Variants in HAVCR1 observed in about 807,000 individuals in gnomAD.
HAVCR1 encodes hepatitis A virus cellular receptor 1.
A neutral mutation model predicts 32.0 loss-of-function variants in HAVCR1; 34 were observed. The ratio of observed to expected loss-of-function variants is 1.06; its 90% CI spans 0.81 to 1.42. HAVCR1 has a LOEUF of 1.42. Ranked by LOEUF, HAVCR1 falls within the 40% of genes most tolerant of loss-of-function variation. The pLI, the probability that HAVCR1 is intolerant of heterozygous loss-of-function variation, is 0.00. For missense variants in HAVCR1, 420 were observed against 442.3 expected, an observed-to-expected ratio of 0.95 and a Z score of 0.45; for synonymous variants, 178 against 170.3, an observed-to-expected ratio of 1.05 and a Z score of -0.35.
chr5:157,045,539 T>C (rs578168227), intron 5 of HAVCR1, among the ~76,000 whole-genome samples: 6 of 152,340 alleles, frequency 3.9e-5, no homozygotes, highest in African/African-American at 1.4e-4. Flanking sequence ...GGCACAGAAC[T>C]AGTAACTTAT....
chr5:157,033,429 T>C (rs6880589), intron 7 of HAVCR1, among the ~76,000 whole-genome samples: 5,683 of 152,174 alleles, frequency 0.037, 337 homozygotes, highest in African/African-American at 0.13. Context: ...GAATTCAAAG[T>C]GAGAGCACCT....
At chr5:157,049,291 T>A in intron 4 of HAVCR1, 146 bp from the exon 5 acceptor site, 2 of 651,014 alleles carry the variant, frequency 3.1e-6, no homozygotes, top group South Asian at 3.6e-5. Context: ...CATGCAGGGC[T>A]TCTACCGACC....
the HAVCR1 span, among the ~76,000 whole-genome samples, chr5:157,065,854 CA>C: frequency 2.2e-3 from 311 of 142,136 alleles, no homozygotes; most frequent in African/African-American, 7.9e-3. Context: ...GACTCCGTCT[CA>C]AAAAAAAAAA....
chr5:157,062,531 T>C (rs571795904), upstream of HAVCR1, among the ~76,000 whole-genome samples: 14 of 152,224 alleles, frequency 9.2e-5, no homozygotes, highest in Middle Eastern at 6.8e-3. Flanking sequence ...CACAGCAAGA[T>C]CTTCTTAGGC....
chr5:157,060,620 C>T (rs1756464386), upstream of HAVCR1, among the ~76,000 whole-genome samples: 1 of 151,860 alleles, frequency 6.6e-6, no homozygotes, highest in African/African-American at 2.4e-5. Flanking sequence ...AGAGTGCTGC[C>T]CGGTAGAATT....
At chr5:157,046,863 G>A (rs1340225499) in intron 5 of HAVCR1, among the ~76,000 whole-genome samples, 5 of 152,166 alleles carry the variant, frequency 3.3e-5, no homozygotes, top group African/African-American at 1.2e-4. Context: ...CATTCATGAA[G>A]GCGGGGCTCT....
At chr5:157,066,496 C>A in the HAVCR1 span, among the ~76,000 whole-genome samples, 1 of 114,452 alleles carries the variant, frequency 8.7e-6, no homozygotes, top group Non-Finnish European at 1.8e-5. Flanking sequence ...CAGAGTGAGT[C>A]CCCATCTTCC....
intron 7 of HAVCR1, among the ~76,000 whole-genome samples, chr5:157,034,583 G>A (rs1460400075): frequency 1.3e-5 from 2 of 151,534 alleles, no homozygotes; most frequent in African/African-American, 2.4e-5. Context: ...TGTCGGGCTC[G>A]GGGAGGGTCA....
At position 157,029,484 on chromosome 5, in the gene HAVCR1, G is replaced by C; in HGVS notation, c.*249C>G. 3 of 809,204 alleles carry C rather than the reference G, an allele frequency of 3.7e-6. No homozygotes were observed. Among genetic ancestry groups the C allele is most frequent in the South Asian group, 3.4e-5 (2 of 58,790 alleles). 50.1% of individuals were successfully genotyped at this position (809,204 alleles called of 1,614,324 possible). A position where few individuals can be genotyped will look rare whatever the true frequency, so the allele number is the denominator to read the frequency against. On this transcript the variant is annotated 3_prime_UTR_variant, in exon 9 of 9. Transcript: ENST00000523175. ...AATTATAAAGTGTTCATATTTGAGA[G>C]AAAACTGCAATGATCAGAAGGATTG... is the stretch of plus-strand genomic sequence containing the variant.
At chr5:157,059,932 T>A (rs116445967), upstream of HAVCR1, among the ~76,000 whole-genome samples, 1,254 of 152,232 alleles carry the variant, frequency 8.2e-3, 8 homozygotes, top group South Asian at 0.019. Context: ...GAGGCTATGA[T>A]TGTGCCACTG....
chr5:157,053,391 AAAAG>A (rs1422427015), intron 3 of HAVCR1, among the ~76,000 whole-genome samples: 3 of 151,226 alleles, frequency 2.0e-5, no homozygotes, highest in African/African-American at 4.9e-5. Flanking sequence ...TTAAAAAAAA[AAAAG>A]AAAAAAAGAA....
chr5:157,064,512 A>G, the HAVCR1 span, among the ~76,000 whole-genome samples: 1 of 151,938 alleles, frequency 6.6e-6, no homozygotes, highest in Admixed American at 6.6e-5. Flanking sequence ...GCCTAAGATG[A>G]CTCCAAGGAT....
chr5:157,065,537 G>A, the HAVCR1 span, among the ~76,000 whole-genome samples: 1,086 of 152,294 alleles, frequency 7.1e-3, 8 homozygotes, highest in Non-Finnish European at 9.3e-3. Context: ...TGGCCAACAT[G>A]GTGAAACACC....
upstream of HAVCR1, among the ~76,000 whole-genome samples, chr5:157,062,558 G>A (rs540908726): frequency 3.3e-5 from 5 of 152,030 alleles, no homozygotes; most frequent in African/African-American, 9.6e-5. Context: ...CACAACTAGG[G>A]ACTCACCAAC....
chr5:157,068,330 G>A, the HAVCR1 span, among the ~76,000 whole-genome samples: 20,502 of 151,114 alleles, frequency 0.14, 1,648 homozygotes, highest in Admixed American at 0.23. Flanking sequence ...ACACCTGTAG[G>A]CCCAGCCCTT....
In HAVCR1 at chr5:157,047,080, G is replaced by T. The variant is rs528335199; in HGVS notation, c.781+1958C>A. Among the ~76,000 whole-genome samples, 32 of 152,168 alleles carry T rather than the reference G, an allele frequency of 2.1e-4. 1 individual carries two copies. In the East Asian group the frequency reaches 5.6e-3, roughly 27 times the overall value. The stretch of plus-strand genomic sequence containing the variant: ...CCTGATTATAGTCTTTTCTTATCAT[G>T]GTAAGTATGTTTGACCTCAGGAAAC... On this transcript the variant is annotated intron_variant, in intron 5 of 8. Coordinates refer to ENST00000523175, the MANE Select transcript of HAVCR1 (RefSeq NM_001173393.3).
intron 8 of HAVCR1, among the ~76,000 whole-genome samples, chr5:157,030,445 C>T (rs1391536860): frequency 6.6e-6 from 1 of 152,162 alleles, no homozygotes; most frequent in Non-Finnish European, 1.5e-5. Flanking sequence ...GCAGGAGGAT[C>T]CCTTGAGGCC....
intron 2 of HAVCR1, among the ~76,000 whole-genome samples, chr5:157,056,246 T>C (rs760341672): frequency 2.0e-5 from 3 of 152,050 alleles, no homozygotes; most frequent in Non-Finnish European, 2.9e-5. Flanking sequence ...ATAGACATTA[T>C]AGCTGGAAGG....
chr5:157,043,690 G>A (rs533857229), intron 5 of HAVCR1, among the ~76,000 whole-genome samples: 1 of 152,230 alleles, frequency 6.6e-6, no homozygotes, highest in South Asian at 2.1e-4. Flanking sequence ...TATTCTGTTG[G>A]CCTTCCTAGA....
Sources: gnomAD v4.1 joint callset for allele counts (sites outside exome capture counted in the v4.1 genomes callset) on GRCh38, gnomAD v4.1.1 for gene constraint, MANE v1.5 for transcripts, NCBI Gene and HGNC (gene_info 2026-07-23, HGNC 2026-07-21) for gene names.